Variants in PTPRM observed in about 807,000 individuals in gnomAD.
PTPRM encodes receptor-type tyrosine-protein phosphatase mu.
A neutral mutation model predicts 186.7 loss-of-function variants in PTPRM; 47 were observed. The observed-to-expected ratio is 0.25, with a 90% confidence interval of 0.20 to 0.32. The LOEUF is 0.32. Ranked by LOEUF, PTPRM falls within the 10% of genes least tolerant of loss-of-function variation. The pLI is 1.00. For missense variants in PTPRM, 1,494 were observed against 1,865.0 expected (o/e 0.80, Z 3.66); for synonymous variants, 668 against 674.9 (o/e 0.99, Z 0.16).
At chr18:7,832,304 T>C (rs1320669151) in intron 2 of PTPRM, among the ~76,000 whole-genome samples, 1 of 152,238 alleles carries the variant, frequency 6.6e-6, no homozygotes, top group African/African-American at 2.4e-5. Context: ...GCCTGTCTTT[T>C]GGATATAAGC....
chr18:8,398,454 C>A (rs777220517), intron 32 of PTPRM, among the ~76,000 whole-genome samples: 15 of 152,130 alleles, frequency 9.9e-5, no homozygotes, highest in Non-Finnish European at 1.8e-4. Flanking sequence ...GTTTTCTCAT[C>A]TGTAAAGTGG....
chr18:7,666,363 A>G (rs947776865), intron 1 of PTPRM, among the ~76,000 whole-genome samples: 1 of 152,164 alleles, frequency 6.6e-6, no homozygotes, highest in Non-Finnish European at 1.5e-5. Context: ...TGATAACACT[A>G]ATAACACTCC....
chr18:8,100,549 C>G lies in PTPRM; in HGVS notation c.1856+11698C>G, dbSNP rs887695848. The stretch of plus-strand genomic sequence containing the variant: ...ACTCATGAAGGATCTGCTCCCATGA[C>G]CAAACATCTCTCACCTGGCCCCACC... On this transcript the variant is annotated intron_variant, in intron 11 of 32. Coordinates refer to ENST00000580170, the MANE Select transcript of PTPRM (RefSeq NM_001105244.2). 2.0e-5 allele frequency among the ~76,000 whole-genome samples: 3 copies of G among 152,214 alleles called. No individual in the cohort carries two copies. In the East Asian group the frequency reaches 5.8e-4, roughly 29 times the overall value.
chr18:7,694,430 CCTT>C (rs1326052462), intron 1 of PTPRM, among the ~76,000 whole-genome samples: 1 of 97,008 alleles, frequency 1.0e-5, no homozygotes, highest in African/African-American at 5.1e-5. Flanking sequence ...TTCCTTCCTT[CCTT>C]TTTTTTTTTT....
chr18:8,272,468 A>G (rs1330858334), intron 19 of PTPRM, among the ~76,000 whole-genome samples: 1 of 151,942 alleles, frequency 6.6e-6, no homozygotes, highest in African/African-American at 2.4e-5. Context: ...TCTAAGTAAC[A>G]CTTGCCCTGC....
intron 1 of PTPRM, among the ~76,000 whole-genome samples, chr18:7,748,475 A>G (rs1442889053): frequency 1.3e-5 from 2 of 152,086 alleles, no homozygotes; most frequent in Admixed American, 1.3e-4. Flanking sequence ...CCTGACAGTG[A>G]CGATGAGGAC....
At chr18:8,178,395 T>A (rs2146544900) in intron 14 of PTPRM, among the ~76,000 whole-genome samples, 1 of 152,340 alleles carries the variant, frequency 6.6e-6, no homozygotes, top group South Asian at 2.1e-4. Flanking sequence ...GACTGATTTG[T>A]TTGCAAAATA....
At chr18:8,055,968 G>A (rs1418888393) in intron 7 of PTPRM, among the ~76,000 whole-genome samples, 1 of 152,130 alleles carries the variant, frequency 6.6e-6, no homozygotes, top group African/African-American at 2.4e-5. Context: ...GGGACATGGT[G>A]TAAGGTGTTG....
intron 24 of PTPRM, among the ~76,000 whole-genome samples, chr18:8,371,464 C>T (rs769079537): frequency 6.6e-6 from 1 of 152,138 alleles, no homozygotes. Flanking sequence ...TTGTGGCTTT[C>T]GAAACCTCTG....
chr18:8,030,674 T>C (rs1298274698), intron 7 of PTPRM, among the ~76,000 whole-genome samples: 1 of 152,202 alleles, frequency 6.6e-6, no homozygotes, highest in East Asian at 1.9e-4. Flanking sequence ...ACATGAGGTG[T>C]CTTCTCTCAA....
At chr18:8,252,614 C>T in intron 18 of PTPRM, 115 bp downstream of exon 18, 1 of 1,029,704 alleles carries the variant, frequency 9.7e-7, no homozygotes, top group South Asian at 1.3e-5. Flanking sequence ...TGCATGTTTG[C>T]CTTTGTAGAA....
At chr18:8,167,803 A>G (rs1191508409) in intron 14 of PTPRM, among the ~76,000 whole-genome samples, 2 of 152,256 alleles carry the variant, frequency 1.3e-5, no homozygotes, top group Non-Finnish European at 2.9e-5. Context: ...CAGTTGGTGA[A>G]GATGAATGTG....
chr18:7,767,154 G>C (rs950244396), intron 1 of PTPRM, among the ~76,000 whole-genome samples: 5 of 152,174 alleles, frequency 3.3e-5, no homozygotes, highest in African/African-American at 7.2e-5. Flanking sequence ...AGTAGTGTTG[G>C]TTGATAACTT....
intron 1 of PTPRM, among the ~76,000 whole-genome samples, chr18:7,633,231 A>T (rs1216407653): frequency 6.6e-6 from 1 of 152,166 alleles, no homozygotes; most frequent in Non-Finnish European, 1.5e-5. Flanking sequence ...GAGTCCAAGG[A>T]AAGAAACATA....
intron 1 of PTPRM, among the ~76,000 whole-genome samples, chr18:7,743,940 A>G (rs2040933881): frequency 6.6e-6 from 1 of 151,906 alleles, no homozygotes; most frequent in Non-Finnish European, 1.5e-5. Flanking sequence ...TGCAAAATTC[A>G]TCAAATGGAA....
chr18:7,738,732 C>T (rs1156924409), intron 1 of PTPRM, among the ~76,000 whole-genome samples: 4 of 152,050 alleles, frequency 2.6e-5, no homozygotes, highest in East Asian at 1.9e-4. Context: ...TGAGCCACTG[C>T]GCCCGGCCAG....
At chr18:8,132,835 T>C (rs1424616260) in intron 13 of PTPRM, among the ~76,000 whole-genome samples, 3 of 152,206 alleles carry the variant, frequency 2.0e-5, no homozygotes, top group Admixed American at 2.0e-4. Context: ...ATTTCCATGC[T>C]CTTACTTCCT....
intron 2 of PTPRM, among the ~76,000 whole-genome samples, chr18:7,884,347 G>T (rs2146311181): frequency 6.6e-6 from 1 of 152,302 alleles, no homozygotes; most frequent in East Asian, 1.9e-4. Flanking sequence ...GGGAAAAAGG[G>T]AATCTCACAG....
At chr18:7,824,550 C>T (rs996263187) in intron 2 of PTPRM, among the ~76,000 whole-genome samples, 1 of 151,990 alleles carries the variant, frequency 6.6e-6, no homozygotes, top group Non-Finnish European at 1.5e-5. Flanking sequence ...TGAAGGGTTT[C>T]CTTCTCTCTT....
Sources: allele counts gnomAD v4.1 joint callset (sites outside exome capture counted in the v4.1 genomes callset), GRCh38; gene constraint gnomAD v4.1.1; transcripts MANE v1.5; gene names NCBI Gene and HGNC (gene_info 2026-07-23, HGNC 2026-07-21).